The following RPRD2 variants were observed in gnomAD, a reference collection of about 807,000 sequenced individuals.
RPRD2 encodes the protein regulation of nuclear pre-mRNA domain-containing protein 2.
A neutral mutation model predicts 104.4 loss-of-function variants in RPRD2; 12 were observed. That is an observed-to-expected ratio of 0.11 (90% CI 0.07 to 0.19). RPRD2 has a LOEUF of 0.19. RPRD2 is among the 10% of genes least tolerant of loss of function. RPRD2 has a pLI of 1.00. For missense variants in RPRD2, 1,543 were observed against 1,790.1 expected (o/e 0.86, Z 2.49); for synonymous variants, 714 against 684.9 (o/e 1.04, Z -0.66).
intron 1 of RPRD2, among the ~76,000 whole-genome samples, chr1:150,374,612 G>A (rs1446610118): frequency 2.0e-5 from 3 of 152,164 alleles, no homozygotes; most frequent in African/African-American, 7.2e-5. Flanking sequence ...TGAATTGGAG[G>A]GCACCTAGCT....
intron 1 of RPRD2, among the ~76,000 whole-genome samples, chr1:150,410,631 G>GCA (rs1663826772): frequency 6.6e-6 from 1 of 152,044 alleles, no homozygotes; most frequent in African/African-American, 2.4e-5. Context: ...CTCTCTACAG[G>GCA]CACACACACA....
At chr1:150,406,179 G>C (rs1663458902) in intron 1 of RPRD2, among the ~76,000 whole-genome samples, 1 of 152,054 alleles carries the variant, frequency 6.6e-6, no homozygotes, top group Non-Finnish European at 1.5e-5. Flanking sequence ...TTAACTGCTT[G>C]GTTAAGATGA....
chr1:150,375,183 T>C (rs1007843587), intron 1 of RPRD2, among the ~76,000 whole-genome samples: 22 of 152,220 alleles, frequency 1.4e-4, no homozygotes, highest in African/African-American at 3.9e-4. Context: ...GCAGTTGTTA[T>C]CTTCTTCCTT....
rs760424746 is a variant in RPRD2, at chr1:150,470,932, G to A, written c.1984G>A (p.Glu662Lys). ...SEVSKPKLES[E>K]STSPSLEMKI... ...GGTCTCCAAGCCAAAGCTGGAGTCAGAGTCCACCTCCCCAAGCCTGGAAAT... is the reference window on the plus strand; with the variant it reads ...GGTCTCCAAGCCAAAGCTGGAGTCAAAGTCCACCTCCCCAAGCCTGGAAAT... Residue 662 changes from glutamate (E) to lysine (K), a missense_variant, in exon 11 of 11, where the codon GAG (glutamate) becomes AAG (lysine). Glu to Lys is a moderately conservative substitution (Grantham distance 56, BLOSUM62 1). Transcript: ENST00000369068. The A allele has an allele frequency of 1.2e-6, 2 of 1,614,024 alleles. No homozygotes were observed. Among genetic ancestry groups the A allele is most frequent in the South Asian group, 2.2e-5 (2 of 91,086 alleles).
At chr1:150,433,898 A>C (rs1665820105) in intron 2 of RPRD2, among the ~76,000 whole-genome samples, 1 of 149,900 alleles carries the variant, frequency 6.7e-6, no homozygotes, top group South Asian at 2.1e-4. Context: ...GTGTATATGT[A>C]CATATGTATG....
At chr1:150,435,455 G>T (rs1478951714) in intron 2 of RPRD2, among the ~76,000 whole-genome samples, 1 of 152,228 alleles carries the variant, frequency 6.6e-6, no homozygotes, top group Non-Finnish European at 1.5e-5. Flanking sequence ...TAGCCAGGTT[G>T]TGAATGCAAA....
intron 10 of RPRD2, among the ~76,000 whole-genome samples, chr1:150,467,351 A>G (rs192571684): frequency 6.6e-6 from 1 of 152,212 alleles, no homozygotes; most frequent in Non-Finnish European, 1.5e-5. Context: ...TGACATGTTT[A>G]TGCTTTCTCC....
chr1:150,466,377 C>CAA lies in RPRD2; in HGVS notation c.1612+1671_1612+1672dup, dbSNP rs34200262. ...TGGGCAAAAGAGCAAGACTCTGTCT[C>CAA]AAAAAAAAAAAAAAAAAAAAAATTA... On this transcript the variant is annotated intron_variant, in intron 10 of 10. Coordinates refer to ENST00000369068, the MANE Select transcript of RPRD2 (RefSeq NM_015203.5). 1.1e-4 allele frequency among the ~76,000 whole-genome samples: 12 copies of CAA among 105,006 alleles called. No individual in the cohort carries two copies. The East Asian group carries it at 1.7e-3, about 15-fold the overall frequency. The allele number at this position is 105,006 out of a possible 152,430, so 68.9% of individuals were successfully genotyped here. A position where few individuals can be genotyped will look rare whatever the true frequency, so the allele number is the denominator to read the frequency against.
At chr1:150,469,989 G>A (rs587658011) in intron 10 of RPRD2, among the ~76,000 whole-genome samples, 28 of 152,148 alleles carry the variant, frequency 1.8e-4, no homozygotes, top group Admixed American at 7.2e-4. Context: ...TCTACCAAGA[G>A]GTGCTTCTTG....
In RPRD2 at chr1:150,471,126, G is replaced by A. The variant is rs775359292; in HGVS notation, c.2178G>A (p.Arg726=). The change falls in exon 11 of 11, where the codon CGG becomes CGA. Residue 726 remains arginine, a synonymous_variant. Transcript: ENST00000369068. This position sits in a 1 kb window ranked among gnomAD's most constrained non-coding sequence, Gnocchi z 5.3. The part of the protein sequence containing the change: ...SIDNIDGTPV[R]DERSGTPTQD... The stretch of plus-strand genomic sequence containing the variant: ...ACAACATTGATGGAACCCCTGTACG[G>A]GATGAACGGAGTGGGACACCCACCC... 2.5e-6 allele frequency: 4 copies of A among 1,613,878 alleles called. No homozygotes were observed. The highest frequency in any genetic ancestry group is 2.2e-5 in the East Asian group (1 of 44,886).
intron 1 of RPRD2, among the ~76,000 whole-genome samples, chr1:150,377,382 C>T (rs1477773577): frequency 1.3e-5 from 2 of 151,834 alleles, no homozygotes; most frequent in African/African-American, 4.8e-5. Flanking sequence ...GGGCGGATCA[C>T]GAGGTCAGGA....
At chr1:150,366,699 A>C (rs1384351686) in intron 1 of RPRD2, among the ~76,000 whole-genome samples, 3 of 152,232 alleles carry the variant, frequency 2.0e-5, no homozygotes, top group African/African-American at 7.2e-5. Flanking sequence ...TGACTTCATC[A>C]TTAACTTTGT....
At chr1:150,376,730 G>A (rs1278659482) in intron 1 of RPRD2, among the ~76,000 whole-genome samples, 4 of 151,530 alleles carry the variant, frequency 2.6e-5, no homozygotes, top group African/African-American at 4.8e-5. Flanking sequence ...TCGATCTCCT[G>A]ACCTCGTGAT....
chr1:150,433,820 GTAATA>G (rs1411933104), intron 2 of RPRD2, among the ~76,000 whole-genome samples: 18 of 90,530 alleles, frequency 2.0e-4, no homozygotes, highest in African/African-American at 3.2e-4. Flanking sequence ...TATAATATAT[GTAATA>G]TAATATACAT....
At chr1:150,446,511 G>A (rs1293620214) in intron 7 of RPRD2, 110 bp downstream of exon 7, 45 of 966,158 alleles carry the variant, frequency 4.7e-5, no homozygotes, top group Non-Finnish European at 5.7e-5. Flanking sequence ...TCTCCTTATC[G>A]CAGATGAAAT....
At chr1:150,379,270 G>A (rs1333221904) in intron 1 of RPRD2, among the ~76,000 whole-genome samples, 2 of 151,048 alleles carry the variant, frequency 1.3e-5, no homozygotes, top group Non-Finnish European at 2.9e-5. Context: ...GCGACAGAGC[G>A]AGACTCCATC....
chr1:150,380,816 A>T (rs188262520), intron 1 of RPRD2, among the ~76,000 whole-genome samples: 24 of 152,058 alleles, frequency 1.6e-4, no homozygotes, highest in Admixed American at 8.5e-4. Context: ...TACCACGTCC[A>T]GCTAACTTTT....
At position 150,471,832 on chromosome 1, in the gene RPRD2, T is replaced by C; in HGVS notation, c.2884T>C (p.Tyr962His). ...GCATCTCAGTTTGCCACAGAAGCAGTACCCAGACTCTCCTCACCCAGTCCC... is the reference window on the plus strand; with the variant it reads ...GCATCTCAGTTTGCCACAGAAGCAGCACCCAGACTCTCCTCACCCAGTCCC... ...TGHLSLPQKQ[Y>H]PDSPHPVPHR... The change falls in exon 11 of 11, where the codon TAC becomes CAC. Residue 962 changes from tyrosine to histidine, a missense_variant. This residue lies in a region of RPRD2 where 880 missense variants were observed against 885.6 expected (regional missense o/e 0.99). Coordinates refer to ENST00000369068, the MANE Select transcript of RPRD2 (RefSeq NM_015203.5). The surrounding 1 kb of genome is among the most constrained non-coding windows in gnomAD (Gnocchi z 5.3). 1 of 1,613,916 alleles carries C rather than the reference T, an allele frequency of 6.2e-7. No homozygotes were observed. The highest frequency in any genetic ancestry group is 8.5e-7 in the Non-Finnish European group (1 of 1,179,876).
chr1:150,424,779 C>T (rs1553890284), intron 2 of RPRD2, among the ~76,000 whole-genome samples: 2 of 152,152 alleles, frequency 1.3e-5, no homozygotes, highest in Non-Finnish European at 2.9e-5. Flanking sequence ...TATTTTATAA[C>T]AGCACCTTAG....
Sources: gnomAD v4.1 joint callset for allele counts (sites outside exome capture counted in the v4.1 genomes callset) on GRCh38, gnomAD v4.1.1 for gene constraint, gnomAD v4.1.1 regional missense constraint, Gnocchi (gnomAD v3.1) non-coding constraint, MANE v1.5 for transcripts, NCBI Gene and HGNC (gene_info 2026-07-23, HGNC 2026-07-21) for gene names.